NEK11: variants seen among roughly 807,000 people sequenced by gnomAD.
NEK11 encodes the protein NIMA related kinase 11.
In NEK11, 72 loss-of-function variants were observed where a neutral mutation model predicts 80.7. The observed-to-expected ratio is 0.89, with a 90% CI of 0.74 to 1.08. The LOEUF (loss-of-function observed/expected upper bound fraction) is 1.08. Ranked by LOEUF, NEK11 falls within the 50% of genes least tolerant of loss-of-function variation. The pLI is 0.00. For missense variants in NEK11, 764 were observed against 763.6 expected (o/e 1.00, Z -0.01); for synonymous variants, 251 against 260.7 (o/e 0.96, Z 0.36).
chr3:131,179,219 C>G (rs190665072), intron 14 of NEK11, among the ~76,000 whole-genome samples: 1 of 152,178 alleles, frequency 6.6e-6, no homozygotes, highest in African/African-American at 2.4e-5. Flanking sequence ...ACCACACAAC[C>G]GAACCTGCTG....
intron 17 of NEK11, among the ~76,000 whole-genome samples, chr3:131,282,971 C>T (rs2108841098): frequency 6.6e-6 from 1 of 152,296 alleles, no homozygotes; most frequent in African/African-American, 2.4e-5. Context: ...TCCTTTGTGC[C>T]AGGGAGTGTG....
intron 7 of NEK11, among the ~76,000 whole-genome samples, chr3:131,147,632 AT>A (rs1173334722): frequency 1.3e-5 from 2 of 151,736 alleles, no homozygotes; most frequent in Non-Finnish European, 2.9e-5. Context: ...GTCTGCTAGG[AT>A]TTTGGTTGGT....
At chr3:131,196,787 G>T (rs2094028930) in intron 14 of NEK11, among the ~76,000 whole-genome samples, 1 of 151,430 alleles carries the variant, frequency 6.6e-6, no homozygotes, top group Non-Finnish European at 1.5e-5. Flanking sequence ...CTCCCAAAGT[G>T]CTGGGATTAC....
intron 4 of NEK11, among the ~76,000 whole-genome samples, chr3:131,085,946 T>G (rs2075919950): frequency 6.6e-6 from 1 of 152,148 alleles, no homozygotes; most frequent in African/African-American, 2.4e-5. Flanking sequence ...ATTTGACACT[T>G]TTGATGGGTA....
chr3:131,338,478 A>T (rs2097231705), intron 17 of NEK11, among the ~76,000 whole-genome samples: 1 of 152,046 alleles, frequency 6.6e-6, no homozygotes, highest in Non-Finnish European at 1.5e-5. Flanking sequence ...ACAACCCAGA[A>T]ATTCCACTCC....
intron 17 of NEK11, among the ~76,000 whole-genome samples, chr3:131,317,271 C>T (rs965574906): frequency 5.3e-5 from 8 of 152,114 alleles, no homozygotes; most frequent in Admixed American, 5.2e-4. Context: ...AGAGATGAAA[C>T]GAATAAAATT....
intron 4 of NEK11, among the ~76,000 whole-genome samples, chr3:131,090,871 C>T (rs1303356585): frequency 6.6e-6 from 1 of 152,128 alleles, no homozygotes; most frequent in Admixed American, 6.5e-5. Context: ...CTCAAATGCT[C>T]TTCCCACTCC....
chr3:131,206,530 A>C (rs775606010), intron 14 of NEK11, among the ~76,000 whole-genome samples: 50 of 152,244 alleles, frequency 3.3e-4, no homozygotes, highest in Non-Finnish European at 6.3e-4. Flanking sequence ...TTAATTTTTA[A>C]AATTCAATTA....
chr3:131,046,024 A>C (rs2067333560), intron 3 of NEK11, among the ~76,000 whole-genome samples: 1 of 152,134 alleles, frequency 6.6e-6, no homozygotes, highest in African/African-American at 2.4e-5. Flanking sequence ...GTCTCCTGAG[A>C]ACAGCAGATG....
intron 17 of NEK11, among the ~76,000 whole-genome samples, chr3:131,274,632 CTTTTTTTTTTTTT>C (rs756861338): frequency 2.0e-4 from 9 of 45,338 alleles, no homozygotes; most frequent in South Asian, 2.2e-3. Flanking sequence ...TGTTTCCTGA[CTTTTTTTTTTTTT>C]TTTTTTTTTT....
intron 5 of NEK11, among the ~76,000 whole-genome samples, chr3:131,113,296 G>T (rs1021904769): frequency 1.3e-5 from 2 of 152,056 alleles, no homozygotes; most frequent in Non-Finnish European, 2.9e-5. Flanking sequence ...GGAGGAGAGA[G>T]AGAGAATGAG....
At chr3:131,208,406 C>G (rs1162576738) in intron 14 of NEK11, among the ~76,000 whole-genome samples, 1 of 152,180 alleles carries the variant, frequency 6.6e-6, no homozygotes, top group Non-Finnish European at 1.5e-5. Flanking sequence ...ATGATGCCTC[C>G]AGCTTTGTTC....
At chr3:131,053,318 T>C (rs1186153161) in intron 3 of NEK11, 1 of 152,254 alleles carries the variant, frequency 6.6e-6, no homozygotes, top group Non-Finnish European at 1.5e-5. Flanking sequence ...CTACCAGTAC[T>C]TTTAATTTCA....
At chr3:131,278,337 T>C (rs2096336132) in intron 17 of NEK11, among the ~76,000 whole-genome samples, 1 of 152,138 alleles carries the variant, frequency 6.6e-6, no homozygotes, top group Non-Finnish European at 1.5e-5. Flanking sequence ...GAAGTCAGTG[T>C]TGACTTCTTT....
At chr3:131,106,549 A>G (rs1407365915) in intron 4 of NEK11, among the ~76,000 whole-genome samples, 6 of 152,168 alleles carry the variant, frequency 3.9e-5, no homozygotes, top group African/African-American at 1.4e-4. Flanking sequence ...CATCTGTATT[A>G]TACTAAATGC....
At chr3:131,335,085 T>C (rs990290787) in intron 17 of NEK11, among the ~76,000 whole-genome samples, 9 of 151,998 alleles carry the variant, frequency 5.9e-5, no homozygotes, top group South Asian at 2.1e-4. Context: ...TTCCAATCAA[T>C]AGAAAAAGAG....
In NEK11 at chr3:131,037,081, G is replaced by A. The variant is rs905841957; in HGVS notation, c.170+7203G>A. Among the ~76,000 whole-genome samples the A allele has an allele frequency of 1.2e-4, 18 of 152,164 alleles. 1 individual carries two copies. The stretch of plus-strand genomic sequence containing the variant: ...TTCTAGTGCCTTCTTTGAAGTAGAA[G>A]ACTATTGTGCCTTTTAGCGTCCTCA... On this transcript the variant is annotated intron_variant, in intron 3 of 17. Transcript: ENST00000383366.
chr3:131,339,023 A>G (rs1009779102), intron 17 of NEK11, among the ~76,000 whole-genome samples: 2 of 152,086 alleles, frequency 1.3e-5, no homozygotes, highest in Non-Finnish European at 2.9e-5. Context: ...AAAAAATAAA[A>G]GAGGGAATCC....
intron 3 of NEK11, among the ~76,000 whole-genome samples, chr3:131,070,366 C>G (rs2073046482): frequency 6.6e-6 from 1 of 152,126 alleles, no homozygotes; most frequent in African/African-American, 2.4e-5. Context: ...CAAAATTATA[C>G]CTTCAGGGTT....
Sources: gnomAD v4.1 joint callset for allele counts (sites outside exome capture counted in the v4.1 genomes callset) on GRCh38, gnomAD v4.1.1 for gene constraint, MANE v1.5 for transcripts, NCBI Gene and HGNC (gene_info 2026-07-23, HGNC 2026-07-21) for gene names.